GPR161: variants seen among roughly 807,000 people sequenced by gnomAD.
GPR161 encodes G protein-coupled receptor 161, also known as G-protein coupled receptor RE2.
In GPR161, 25 loss-of-function variants were observed where a neutral mutation model predicts 39.2. The ratio of observed to expected loss-of-function variants is 0.64; its 90% confidence interval spans 0.47 to 0.89. GPR161 has a LOEUF of 0.89. Among genes scored for constraint, GPR161 ranks in the 40% least tolerant of loss-of-function variants. The pLI, the probability that GPR161 is intolerant of heterozygous loss-of-function variation, is 0.00. For synonymous variants in GPR161, 286 were observed against 276.6 expected (o/e 1.03, Z -0.34); for missense variants, 547 against 677.8 (o/e 0.81, Z 2.14).
At position 168,104,468 on chromosome 1, in the gene GPR161, C is replaced by T. The variant is rs1696402878; in HGVS notation, c.374+9G>A. 6.2e-7 allele frequency: 1 copy of T among 1,607,328 alleles called. No individual in the cohort carries two copies. Among genetic ancestry groups the T allele is most frequent in the Non-Finnish European group, 8.5e-7 (1 of 1,174,704 alleles). On this transcript the variant is annotated intron_variant, in intron 2 of 5. Coordinates refer to ENST00000682931, the MANE Select transcript of GPR161 (RefSeq NM_001375883.1). Reference sequence around the variant, plus strand: ...ATCCCTCAATTCTCTAAGTCTGAGGCATGCTTACCGGTCGATGGCAATGAC... The same window carrying T: ...ATCCCTCAATTCTCTAAGTCTGAGGTATGCTTACCGGTCGATGGCAATGAC...
chr1:168,136,034 G>T, intron 1 of GPR161: 1 of 1,239,604 alleles, frequency 8.1e-7, no homozygotes, highest in Non-Finnish European at 1.0e-6. Context: ...CATCCCATAT[G>T]CCTTTGTCCA....
In GPR161 at chr1:168,080,561, A is replaced by G. The variant is rs549626124; in HGVS notation, c.*4970T>C. On this transcript the variant is annotated 3_prime_UTR_variant, in exon 6 of 6. Coordinates refer to ENST00000682931, the MANE Select transcript of GPR161 (RefSeq NM_001375883.1). ...AGGCTCCATCTGGGGTTCTGCATAT[A>G]TTGTGGGTAGCATCCCTGCCCTGCC... 1 of 152,250 alleles carries G rather than the reference A, an allele frequency of 6.6e-6. No individual in the cohort carries two copies. Among genetic ancestry groups the G allele is most frequent in the East Asian group, 1.9e-4 (1 of 5,182 alleles). 9.4% of individuals were successfully genotyped at this position (152,250 alleles called of 1,614,324 possible). A position where few individuals can be genotyped will look rare whatever the true frequency, so the allele number is the denominator to read the frequency against.
At chr1:168,128,600 A>G (rs991110144) in intron 1 of GPR161, among the ~76,000 whole-genome samples, 4 of 152,200 alleles carry the variant, frequency 2.6e-5, no homozygotes, top group Non-Finnish European at 5.9e-5. Flanking sequence ...TAACATACAC[A>G]TGCTCTGAGA....
rs773606669 is a variant in GPR161, at chr1:168,104,901, A to G, written c.-44-7T>C. 16 of 1,598,136 alleles carry G rather than the reference A, an allele frequency of 1.0e-5. No individual in the cohort carries two copies. The highest frequency in any genetic ancestry group is 1.4e-5 in the Non-Finnish European group (16 of 1,169,390). Reference sequence around the variant, plus strand: ...GGCAGAGCATGCTGGACGACTGGAAAGATAAGGCAGGACCAGGGGACAGGA... The same window carrying G: ...GGCAGAGCATGCTGGACGACTGGAAGGATAAGGCAGGACCAGGGGACAGGA... On this transcript the variant is annotated splice_region_variant and splice_polypyrimidine_tract_variant and intron_variant, in intron 1 of 5. Coordinates refer to ENST00000682931, the MANE Select transcript of GPR161 (RefSeq NM_001375883.1).
intron 4 of GPR161, 158 bp downstream of exon 4, chr1:168,090,406 C>A: frequency 1.9e-6 from 1 of 525,090 alleles, no homozygotes; most frequent in Non-Finnish European, 3.4e-6. Context: ...AAGTCAAAGC[C>A]ACGACTGGAA....
At chr1:168,115,536 C>A (rs1181235866) in intron 1 of GPR161, among the ~76,000 whole-genome samples, 6 of 152,016 alleles carry the variant, frequency 3.9e-5, no homozygotes, top group African/African-American at 1.2e-4. Context: ...CCTTTAGGAT[C>A]AGAAGATCTA....
intron 1 of GPR161, among the ~76,000 whole-genome samples, chr1:168,123,571 CACACACACTT>C (rs1558135050): frequency 1.0e-4 from 15 of 147,298 alleles, no homozygotes; most frequent in African/African-American, 3.7e-4. Flanking sequence ...CACACACACA[CACACACACTT>C]GTTTGCATGG....
intron 1 of GPR161, among the ~76,000 whole-genome samples, chr1:168,121,229 G>A (rs1698135301): frequency 6.6e-6 from 1 of 152,136 alleles, no homozygotes; most frequent in African/African-American, 2.4e-5. Context: ...TTCCAAGGCT[G>A]AACCCACTAA....
In GPR161 at chr1:168,098,767, A is replaced by G. The variant is rs1695801441; in HGVS notation, c.375-1535T>C. 6.6e-6 allele frequency among the ~76,000 whole-genome samples: 1 copy of G among 152,242 alleles called. No homozygotes were observed. Among genetic ancestry groups the G allele is most frequent in the Non-Finnish European group, 1.5e-5 (1 of 68,042 alleles). ...AGATTGCGCAGTGATTAGGGTGTCT[A>G]TTACAGAATCACTGCACAGTGGCTG... On this transcript the variant is annotated intron_variant, in intron 2 of 5. Transcript: ENST00000682931. The surrounding 1 kb of genome is among the most constrained non-coding windows in gnomAD (Gnocchi z 4.1).
Position 168,098,124 on chromosome 1 carries a change from C to T in GPR161, c.375-892G>A, listed in dbSNP as rs924886682. ...GAGGTGATGCTCCAGACCCAGGTCT[C>T]ACAGCGTTGGAGGCACTGACCCAGG... On this transcript the variant is annotated intron_variant, in intron 2 of 5. Coordinates refer to ENST00000682931, the MANE Select transcript of GPR161 (RefSeq NM_001375883.1). This position sits in a 1 kb window ranked among gnomAD's most constrained non-coding sequence, Gnocchi z 4.1. Among the ~76,000 whole-genome samples the T allele has an allele frequency of 6.6e-6, 1 of 152,170 alleles. No individual in the cohort carries two copies.
At chr1:168,112,351 G>T (rs984543490) in intron 1 of GPR161, among the ~76,000 whole-genome samples, 21 of 151,784 alleles carry the variant, frequency 1.4e-4, no homozygotes, top group African/African-American at 5.1e-4. Context: ...GTGGTGGTGG[G>T]TGCCTGTAGT....
At chr1:168,110,491 C>T (rs1697024430) in intron 1 of GPR161, among the ~76,000 whole-genome samples, 1 of 123,946 alleles carries the variant, frequency 8.1e-6, no homozygotes, top group Admixed American at 1.0e-4. Context: ...AGAGTGAGAC[C>T]CTGTCAACAT....
chr1:168,112,270 G>T (rs1385666890), intron 1 of GPR161, among the ~76,000 whole-genome samples: 1 of 151,842 alleles, frequency 6.6e-6, no homozygotes, highest in Non-Finnish European at 1.5e-5. Flanking sequence ...CATGAAGTGA[G>T]GAGATTGAGA....
intron 1 of GPR161, among the ~76,000 whole-genome samples, chr1:168,106,207 G>C (rs549782498): frequency 6.6e-6 from 1 of 152,252 alleles, no homozygotes; most frequent in South Asian, 2.1e-4. Context: ...CACCATTCTG[G>C]ATGTATTTTG....
Position 168,085,543 on chromosome 1 carries a change from G to A in GPR161, c.1578C>T (p.Ala526=), listed in dbSNP as rs766074264. ...CACCCTGAGGCCCTCATCTCTGCTCGGCAGCTAAAACATCTCCTTCTTCGA... is the reference window on the plus strand; with the variant it reads ...CACCCTGAGGCCCTCATCTCTGCTCAGCAGCTAAAACATCTCCTTCTTCGA... ...QSIEEGDVLA[A]EQR The change falls in exon 6 of 6, where the codon GCC becomes GCT. Residue 526 remains alanine, a synonymous_variant. Transcript: ENST00000682931. The A allele has an allele frequency of 9.7e-5, 157 of 1,612,162 alleles. No homozygotes were observed. The highest frequency in any genetic ancestry group is 2.8e-4 in the African/African-American group (21 of 74,910).
Position 168,104,491 on chromosome 1 carries a change from G to A in GPR161, c.360C>T (p.Val120=). The change falls in exon 2 of 6, where the codon GTC becomes GTT. Residue 120 remains valine, a synonymous_variant. Coordinates refer to ENST00000682931, the MANE Select transcript of GPR161 (RefSeq NM_001375883.1). ...GGCATGCTTACCGGTCGATGGCAAT[G>A]ACCCCGAGGGTTAGCATGCTGGCAG... ...ISSASMLTLG[V]IAIDRYYAVL... is the part of the protein sequence containing the mutation. 1.9e-6 allele frequency: 3 copies of A among 1,612,340 alleles called. No homozygotes were observed. The highest frequency in any genetic ancestry group is 2.5e-6 in the Non-Finnish European group (3 of 1,178,566).
At position 168,098,785 on chromosome 1, in the gene GPR161, A is replaced by C. The variant is rs999238958; in HGVS notation, c.375-1553T>G. Among the ~76,000 whole-genome samples the C allele has an allele frequency of 3.9e-5, 6 of 152,238 alleles. No individual in the cohort carries two copies. Among genetic ancestry groups the C allele is most frequent in the African/African-American group, 1.4e-4 (6 of 41,466 alleles). Reference sequence around the variant, plus strand: ...GGTGTCTATTACAGAATCACTGCACAGTGGCTGGGTAAGGTGATTACTGTC... The same window carrying C: ...GGTGTCTATTACAGAATCACTGCACCGTGGCTGGGTAAGGTGATTACTGTC... On this transcript the variant is annotated intron_variant, in intron 2 of 5. Transcript: ENST00000682931. The surrounding 1 kb of genome is among the most constrained non-coding windows in gnomAD (Gnocchi z 4.1).
In GPR161 at chr1:168,096,966, A is replaced by G. The variant is rs368645538; in HGVS notation, c.641T>C (p.Val214Ala). 1 of 1,614,200 alleles carries G rather than the reference A, an allele frequency of 6.2e-7. No individual in the cohort carries two copies. The highest frequency in any genetic ancestry group is 1.3e-5 in the African/African-American group (1 of 75,048). ...CACCTTGCGTGCCTTGACCCTGGCC[A>G]CGCGGAAGATGAAGCCATAGCACAC... is the stretch of plus-strand genomic sequence containing the variant. ...MLVCYGFIFR[V>A]ARVKARKVHC... The change falls in exon 3 of 6, where the codon GTG (valine) becomes GCG (alanine). Residue 214 changes from valine (V) to alanine (A), a missense_variant. Transcript: ENST00000682931.
At chr1:168,122,971 C>T (rs1698301515) in intron 1 of GPR161, among the ~76,000 whole-genome samples, 1 of 152,164 alleles carries the variant, frequency 6.6e-6, no homozygotes, top group Non-Finnish European at 1.5e-5. Context: ...TGTAGATGTT[C>T]AATAATTGTG....
Sources: gnomAD v4.1 joint callset for allele counts (sites outside exome capture counted in the v4.1 genomes callset) on GRCh38, gnomAD v4.1.1 for gene constraint, Gnocchi (gnomAD v3.1) non-coding constraint, MANE v1.5 for transcripts, NCBI Gene and HGNC (gene_info 2026-07-23, HGNC 2026-07-21) for gene names.